The following TMEM230 variants were observed in gnomAD, a reference collection of about 807,000 sequenced individuals.
TMEM230 encodes the protein transmembrane protein 230.
TMEM230 carries 10 observed loss-of-function variants against 15.8 expected under a neutral mutation model. The ratio of observed to expected loss-of-function variants is 0.63; its 90% CI spans 0.39 to 1.07. The LOEUF is 1.07. TMEM230 is among the 50% of genes least tolerant of loss of function. The pLI is 0.01. For missense variants in TMEM230, 165 were observed against 193.3 expected, an observed-to-expected ratio of 0.85 and a Z score of 0.87; for synonymous variants, 67 against 76.9, an observed-to-expected ratio of 0.87 and a Z score of 0.68.
chr20:5,097,109 G>C (rs2089685970), downstream of TMEM230, among the ~76,000 whole-genome samples: 1 of 152,116 alleles, frequency 6.6e-6, no homozygotes, highest in Non-Finnish European at 1.5e-5. Context: ...GGGGATAGGT[G>C]GTCAGAAAAT....
chr20:5,112,936 C>T (rs2090387010), intron 1 of TMEM230, 25 bp downstream of exon 1: 1 of 1,549,582 alleles, frequency 6.5e-7, no homozygotes, highest in South Asian at 1.2e-5. Context: ...GGTTCTGTCC[C>T]CGCCCTGCCG....
chr20:5,092,115 A>G (rs1210435559), intron 3 of TMEM230, among the ~76,000 whole-genome samples: 2 of 152,192 alleles, frequency 1.3e-5, no homozygotes, highest in African/African-American at 4.8e-5. Flanking sequence ...TAGATTGCAA[A>G]GTCGTAATCT....
At chr20:5,089,911 T>C (rs1433508992) in intron 3 of TMEM230, among the ~76,000 whole-genome samples, 1 of 151,380 alleles carries the variant, frequency 6.6e-6, no homozygotes. Context: ...CCCAGCTACT[T>C]GGGAGGCTGA....
chr20:5,069,817 C>T (rs2088765531), intron 3 of TMEM230, among the ~76,000 whole-genome samples: 1 of 152,148 alleles, frequency 6.6e-6, no homozygotes, highest in Non-Finnish European at 1.5e-5. Flanking sequence ...TCAAGTGATT[C>T]TTGTGCCTCA....
chr20:5,090,371 G>A (rs999356177), intron 3 of TMEM230, among the ~76,000 whole-genome samples: 7 of 152,146 alleles, frequency 4.6e-5, no homozygotes, highest in Non-Finnish European at 1.0e-4. Context: ...AGCATCGAGA[G>A]AGAAAAATGA....
At chr20:5,074,455 C>T (rs926078871) in intron 3 of TMEM230, among the ~76,000 whole-genome samples, 6 of 152,052 alleles carry the variant, frequency 3.9e-5, no homozygotes, top group South Asian at 2.1e-4. Context: ...AGCCCAAACC[C>T]ATTTTTCTTT....
intron 3 of TMEM230, among the ~76,000 whole-genome samples, chr20:5,108,482 T>C (rs530263966): frequency 4.1e-4 from 63 of 152,260 alleles, no homozygotes; most frequent in African/African-American, 1.5e-3. Context: ...ATTAGTTGTT[T>C]GTTCCACATA....
Position 5,106,204 on chromosome 20 carries a change from C to T in TMEM230, c.395G>A (p.Gly132Asp), listed in dbSNP as rs1178415991. The change falls in exon 4 of 5, where the codon GGC becomes GAC. Residue 132 changes from glycine to aspartate, a missense_variant. By Grantham distance (94) the Gly-to-Asp change is moderately conservative (BLOSUM62 -1). Transcript: ENST00000342308. ...TCAGCTTACCCCTTTGCTGATGTAG[C>T]CTGACAGCAGGAGGGAGCCTATAAT... 6.2e-7 allele frequency: 1 copy of T among 1,611,552 alleles called. No individual in the cohort carries two copies. Among genetic ancestry groups the T allele is most frequent in the African/African-American group, 1.3e-5 (1 of 74,698 alleles).
At chr20:5,094,405 T>G (rs761340908) in intron 3 of TMEM230, among the ~76,000 whole-genome samples, 21 of 151,648 alleles carry the variant, frequency 1.4e-4, no homozygotes, top group Non-Finnish European at 3.1e-4. Context: ...CACACCTGGC[T>G]AATTTTTAAA....
At chr20:5,112,727 TAC>T (rs2090376640) in intron 1 of TMEM230, 1 of 1,440,008 alleles carries the variant, frequency 6.9e-7, no homozygotes, top group Non-Finnish European at 9.1e-7. Flanking sequence ...CGCCTCTACA[TAC>T]GTTATTCTCC....
chr20:5,108,071 C>A (rs2090164048), intron 3 of TMEM230, among the ~76,000 whole-genome samples: 1 of 151,986 alleles, frequency 6.6e-6, no homozygotes, highest in Admixed American at 6.6e-5. Context: ...CAGGATTGCA[C>A]CACTGCAGTC....
the TMEM230 span, among the ~76,000 whole-genome samples, chr20:5,060,675 C>T: frequency 6.6e-6 from 1 of 152,048 alleles, no homozygotes; most frequent in Admixed American, 6.6e-5. Context: ...TCTCAGTTAA[C>T]ATTTTGTTTC....
intron 3 of TMEM230, among the ~76,000 whole-genome samples, chr20:5,088,967 G>A (rs2089433786): frequency 6.6e-6 from 1 of 152,224 alleles, no homozygotes; most frequent in Admixed American, 6.5e-5. Flanking sequence ...CTGCTGTGCT[G>A]ATAAGTGACT....
At chr20:5,086,210 T>C (rs924098705) in intron 3 of TMEM230, among the ~76,000 whole-genome samples, 1 of 137,998 alleles carries the variant, frequency 7.2e-6, no homozygotes, top group African/African-American at 2.7e-5. Context: ...CTGGGCAACA[T>C]AGTGAGACCT....
At chr20:5,077,758 T>C (rs2089048793) in intron 3 of TMEM230, among the ~76,000 whole-genome samples, 1 of 151,324 alleles carries the variant, frequency 6.6e-6, no homozygotes, top group African/African-American at 2.4e-5. Context: ...CACTTGAACC[T>C]GGGAGGCAGA....
chr20:5,076,303 G>C (rs2088991721), intron 3 of TMEM230, among the ~76,000 whole-genome samples: 1 of 152,124 alleles, frequency 6.6e-6, no homozygotes, highest in Non-Finnish European at 1.5e-5. Context: ...ACTTTGGGAG[G>C]CCAAGGCAGG....
downstream of TMEM230, among the ~76,000 whole-genome samples, chr20:5,096,395 G>A (rs907482464): frequency 1.3e-5 from 2 of 152,218 alleles, no homozygotes; most frequent in African/African-American, 2.4e-5. Flanking sequence ...CCCCATCACT[G>A]AACTACATAC....
At chr20:5,072,089 C>T (rs1016231038) in intron 3 of TMEM230, among the ~76,000 whole-genome samples, 6 of 152,228 alleles carry the variant, frequency 3.9e-5, no homozygotes, top group South Asian at 2.1e-4. Flanking sequence ...CTCACTCTGT[C>T]GCCCAGGCTG....
At chr20:5,069,263 A>G in exon 4 of TMEM230, 1 of 1,535,928 alleles carries the variant, frequency 6.5e-7, no homozygotes, top group Non-Finnish European at 8.7e-7. Context: ...GACTCCTCCC[A>G]CTGATGCCTC....
Sources: gnomAD v4.1 joint callset for allele counts (sites outside exome capture counted in the v4.1 genomes callset) on GRCh38, gnomAD v4.1.1 for gene constraint, MANE v1.5 for transcripts, NCBI Gene and HGNC (gene_info 2026-07-23, HGNC 2026-07-21) for gene names.